The following RGS8 variants were observed in gnomAD, a reference collection of about 807,000 sequenced individuals.
RGS8 encodes the protein regulator of G-protein signaling 8.
In RGS8, 8 loss-of-function variants were observed where a neutral mutation model predicts 21.7. The observed-to-expected ratio is 0.37, with a 90% CI of 0.22 to 0.66. The LOEUF (loss-of-function observed/expected upper bound fraction) is 0.66. Ranked by LOEUF, RGS8 falls within the 30% of genes least tolerant of loss-of-function variation. The probability of loss-of-function intolerance (pLI) is 0.59; values close to 1 mark genes in which losing one functional copy is unlikely to be tolerated. For synonymous variants in RGS8, 80 were observed against 83.6 expected (o/e 0.96, Z 0.24); for missense variants, 157 against 217.9 (o/e 0.72, Z 1.76).
the RGS8 span, among the ~76,000 whole-genome samples, chr1:182,743,661 C>T: frequency 1.3e-5 from 2 of 152,166 alleles, no homozygotes; most frequent in Non-Finnish European, 2.9e-5. Flanking sequence ...TTTGCATTGC[C>T]TGAAATGCAT....
the RGS8 span, among the ~76,000 whole-genome samples, chr1:182,698,287 T>C: frequency 0.033 from 4,952 of 152,324 alleles, 117 homozygotes; most frequent in Non-Finnish European, 0.044. Flanking sequence ...TTTCTTTTAT[T>C]GTGTCCATCA....
At chr1:182,703,679 A>G in the RGS8 span, among the ~76,000 whole-genome samples, 6 of 152,210 alleles carry the variant, frequency 3.9e-5, no homozygotes, top group Non-Finnish European at 8.8e-5. Context: ...ACCACAGATG[A>G]TTTTGAAAGT....
At chr1:182,747,921 T>G in the RGS8 span, among the ~76,000 whole-genome samples, 1 of 152,216 alleles carries the variant, frequency 6.6e-6, no homozygotes, top group African/African-American at 2.4e-5. Flanking sequence ...TTTTGTCTGT[T>G]TCTTACATCT....
At position 182,684,015 on chromosome 1, in the gene RGS8, G is replaced by A. The variant is rs1353614865; in HGVS notation, n.221+341C>T. Among the ~76,000 whole-genome samples the A allele has an allele frequency of 6.6e-6, 1 of 152,196 alleles. No individual in the cohort carries two copies. Among genetic ancestry groups the A allele is most frequent in the African/African-American group, 2.4e-5 (1 of 41,456 alleles). Reference sequence around the variant, plus strand: ...TACAATATTTTCAGAGCCCCCTAAGGGAGCTGAGGGAAGAAACAGGATCAC... The same window carrying A: ...TACAATATTTTCAGAGCCCCCTAAGAGAGCTGAGGGAAGAAACAGGATCAC... On this transcript the variant is annotated intron_variant and non_coding_transcript_variant, in intron 1 of 4. Coordinates refer to the RGS8 transcript ENST00000515211. This position sits in a 1 kb window ranked among gnomAD's most constrained non-coding sequence, Gnocchi z 4.2.
At chr1:182,731,118 C>A in the RGS8 span, among the ~76,000 whole-genome samples, 1 of 152,184 alleles carries the variant, frequency 6.6e-6, no homozygotes, top group Non-Finnish European at 1.5e-5. Context: ...TCTTTAATAG[C>A]CGTTTTATTC....
intron 5 of RGS8, among the ~76,000 whole-genome samples, chr1:182,656,178 C>T (rs1475441279): frequency 6.6e-6 from 1 of 152,142 alleles, no homozygotes; most frequent in African/African-American, 2.4e-5. Context: ...AGTCGCTTGG[C>T]CAGTAAAAGG....
At chr1:182,649,952 G>A (rs549369543) in intron 5 of RGS8, among the ~76,000 whole-genome samples, 4 of 143,896 alleles carry the variant, frequency 2.8e-5, no homozygotes, top group South Asian at 2.1e-4. Flanking sequence ...TTGCTCTGTC[G>A]CCACGCTGGA....
chr1:182,711,337 T>C, the RGS8 span, among the ~76,000 whole-genome samples: 1 of 152,142 alleles, frequency 6.6e-6, no homozygotes, highest in African/African-American at 2.4e-5. Flanking sequence ...CAAATACCAA[T>C]CCATTGTCTA....
At chr1:182,749,412 T>C in the RGS8 span, among the ~76,000 whole-genome samples, 1 of 152,194 alleles carries the variant, frequency 6.6e-6, no homozygotes, top group Non-Finnish European at 1.5e-5. Flanking sequence ...ATGGATTTAG[T>C]TCTGGGCTCT....
the RGS8 span, among the ~76,000 whole-genome samples, chr1:182,738,965 C>T: frequency 6.6e-6 from 1 of 152,230 alleles, no homozygotes; most frequent in Non-Finnish European, 1.5e-5. Flanking sequence ...AAGAGACAAT[C>T]TCTCTTTCAT....
chr1:182,741,233 G>T, the RGS8 span, among the ~76,000 whole-genome samples: 1 of 144,376 alleles, frequency 6.9e-6, no homozygotes, highest in Admixed American at 6.7e-5. Flanking sequence ...GGGCAGAGGG[G>T]CTCCTCACTT....
At chr1:182,671,838 G>A (rs1451303021) in intron 1 of RGS8, 108 bp from the exon 3 acceptor site, 1 of 1,573,886 alleles carries the variant, frequency 6.4e-7, no homozygotes, top group Non-Finnish European at 8.6e-7. Flanking sequence ...ACACAGGCAT[G>A]CACAACACAC....
the RGS8 span, among the ~76,000 whole-genome samples, chr1:182,727,604 T>A: frequency 6.6e-6 from 1 of 152,222 alleles, no homozygotes; most frequent in African/African-American, 2.4e-5. Context: ...AAGGTTACTT[T>A]GCTTAATATT....
the RGS8 span, among the ~76,000 whole-genome samples, chr1:182,737,748 A>ATCTT: frequency 1.3e-5 from 2 of 152,214 alleles, no homozygotes; most frequent in South Asian, 4.1e-4. Context: ...TAACATTCAC[A>ATCTT]GATCCAGAGA....
chr1:182,666,089 A>C, intron 4 of RGS8, 56 bp from the exon 6 acceptor site: 1 of 1,468,770 alleles, frequency 6.8e-7, no homozygotes, highest in Admixed American at 1.7e-5. Flanking sequence ...CCTTGCCCTC[A>C]ACAACCGCTA....
chr1:182,644,732 T>C (rs1662628947), downstream of RGS8: 1 of 152,242 alleles, frequency 6.6e-6, no homozygotes, highest in Non-Finnish European at 1.5e-5. Context: ...GCACATTTCA[T>C]ATGTAAACAA....
At chr1:182,712,317 T>C in the RGS8 span, among the ~76,000 whole-genome samples, 1 of 152,354 alleles carries the variant, frequency 6.6e-6, no homozygotes, top group South Asian at 2.1e-4. Context: ...ATACAGCTAC[T>C]TGGATGTCAA....
At chr1:182,696,876 T>C in the RGS8 span, among the ~76,000 whole-genome samples, 26 of 152,356 alleles carry the variant, frequency 1.7e-4, no homozygotes, top group Non-Finnish European at 2.9e-4. Context: ...GTGGATCAGC[T>C]GAGACTGGTT....
chr1:182,695,001 A>T, the RGS8 span, among the ~76,000 whole-genome samples: 1 of 152,130 alleles, frequency 6.6e-6, no homozygotes, highest in Non-Finnish European at 1.5e-5. Context: ...ACTACAGTGC[A>T]TTGGGTTGTT....
Sources: allele counts gnomAD v4.1 joint callset (sites outside exome capture counted in the v4.1 genomes callset), GRCh38; gene constraint gnomAD v4.1.1; non-coding constraint Gnocchi (gnomAD v3.1); transcripts MANE v1.5; gene names NCBI Gene and HGNC (gene_info 2026-07-23, HGNC 2026-07-21).